The following TXLNG variants were observed in gnomAD, a reference collection of about 807,000 sequenced individuals.
The protein encoded by TXLNG is gamma-taxilin.
TXLNG carries 5 observed loss-of-function variants against 38.8 expected under a neutral mutation model. The observed-to-expected ratio is 0.13, with a 90% CI of 0.07 to 0.27. The LOEUF is 0.27. TXLNG is among the 10% of genes least tolerant of loss of function. TXLNG has a pLI of 1.00. For synonymous variants in TXLNG, 182 were observed against 158.2 expected, an observed-to-expected ratio of 1.15 and a Z score of -1.13; for missense variants, 393 against 398.2, an observed-to-expected ratio of 0.99 and a Z score of 0.11.
At position 16,842,748 on chromosome X, in the gene TXLNG, T is replaced by C. The variant is rs1163993854; in HGVS notation, c.*982T>C. 1 of 112,226 alleles carries C rather than the reference T, an allele frequency of 8.9e-6. No individual in the cohort carries two copies. The highest frequency in any genetic ancestry group is 3.2e-5 in the African/African-American group (1 of 30,878). 9.2% of individuals were successfully genotyped at this position (112,226 alleles called of 1,213,427 possible). ...CTCCAGGTTTTTCAAAAGGGAATTT[T>C]CATTATGGATCAGTACCAACCGAAA... is the stretch of plus-strand genomic sequence containing the variant. On this transcript the variant is annotated 3_prime_UTR_variant, in exon 10 of 10. Transcript: ENST00000380122.
Position 16,841,964 on chromosome X carries a change from T to C in TXLNG, c.*198T>C. The C allele has an allele frequency of 2.3e-6, 1 of 442,778 alleles. No individual in the cohort carries two copies. Among genetic ancestry groups the C allele is most frequent in the South Asian group, 4.2e-5 (1 of 23,750 alleles). 36.5% of individuals were successfully genotyped at this position (442,778 alleles called of 1,213,427 possible). ...TTAATCTATAAATTTTCCTCAGCTG[T>C]GTTGCACATCAGCCTCGTTCTCCCT... On this transcript the variant is annotated 3_prime_UTR_variant, in exon 10 of 10. Transcript: ENST00000380122.
chrX:16,793,289 A>G (rs1602354866), intron 1 of TXLNG, among the ~76,000 whole-genome samples: 2 of 111,246 alleles, frequency 1.8e-5, no homozygotes, highest in South Asian at 3.8e-4. Flanking sequence ...AAATACTTAC[A>G]TTTTATTACT....
intron 5 of TXLNG, among the ~76,000 whole-genome samples, chrX:16,830,696 T>A (rs899916399): frequency 9.3e-6 from 1 of 107,305 alleles, no homozygotes; most frequent in African/African-American, 3.4e-5. Context: ...CAAAAACTGC[T>A]ATTTTTTTTT....
At position 16,794,273 on chromosome X, in the gene TXLNG, A is replaced by C. The variant is rs147364341; in HGVS notation, c.102+7684A>C. 3.4e-3 allele frequency among the ~76,000 whole-genome samples: 378 copies of C among 112,438 alleles called. 1 individual carries two copies. Among genetic ancestry groups the C allele is most frequent in the African/African-American group, 9.8e-3 (303 of 31,006 alleles). ...AGCAAAACATGCTGGTAGATAAAATAGTAATAGTAATAGTTTTTGCTAAAC... is the reference window on the plus strand; with the variant it reads ...AGCAAAACATGCTGGTAGATAAAATCGTAATAGTAATAGTTTTTGCTAAAC... On this transcript the variant is annotated intron_variant, in intron 1 of 9. Transcript: ENST00000380122.
In TXLNG at chrX:16,841,890, A is replaced by G; in HGVS notation, c.*124A>G. The G allele has an allele frequency of 1.3e-6, 1 of 763,437 alleles. No homozygotes were observed. The highest frequency in any genetic ancestry group is 3.6e-5 in the Admixed American group (1 of 28,101). 62.9% of individuals were successfully genotyped at this position (763,437 alleles called of 1,213,427 possible). On this transcript the variant is annotated 3_prime_UTR_variant, in exon 10 of 10. Transcript: ENST00000380122. ...TCTACCATATCTGTATTTTCTTAGA[A>G]CTACTGGACTTATGTGGTACAGGAG...
chrX:16,839,102 T>G (rs2147501833), intron 8 of TXLNG, among the ~76,000 whole-genome samples: 1 of 112,294 alleles, frequency 8.9e-6, no homozygotes, highest in African/African-American at 3.2e-5. Flanking sequence ...GCTACAGGCA[T>G]GGATAAATGC....
intron 1 of TXLNG, among the ~76,000 whole-genome samples, chrX:16,818,084 C>A (rs1427542841): frequency 9.0e-6 from 1 of 111,220 alleles, no homozygotes; most frequent in Non-Finnish European, 1.9e-5. Context: ...GTGGAAGTCG[C>A]CCCTTGGTGT....
chrX:16,801,758 G>C (rs1928100759), intron 1 of TXLNG, among the ~76,000 whole-genome samples: 1 of 110,558 alleles, frequency 9.0e-6, no homozygotes. Context: ...TCATTGGTGA[G>C]TTCTCCTGAA....
rs776139446 is a variant in TXLNG, at chrX:16,821,288, G to C, written c.498+1033G>C. Among the ~76,000 whole-genome samples the C allele has an allele frequency of 6.6e-5, 7 of 106,856 alleles. No homozygotes were observed. The South Asian group carries it at 2.1e-3, about 32-fold the overall frequency. The allele number at this position is 106,856 out of a possible 115,157, so 92.8% of individuals were successfully genotyped here. On this transcript the variant is annotated intron_variant, in intron 3 of 9. Coordinates refer to ENST00000380122, the MANE Select transcript of TXLNG (RefSeq NM_018360.3). ...CCTGAGTAGTTGGGACTACAGGCGC[G>C]TGCCACCACGCCTGGCTAATTTTTT...
intron 7 of TXLNG, among the ~76,000 whole-genome samples, chrX:16,835,462 ACT>A (rs1405998405): frequency 8.9e-6 from 1 of 112,045 alleles, no homozygotes; most frequent in East Asian, 2.8e-4. Context: ...TGAATCTCTT[ACT>A]TATCAGCCCT....
At position 16,818,058 on chromosome X, in the gene TXLNG, T is replaced by C. The variant is rs760824946; in HGVS notation, c.103-516T>C. Among the ~76,000 whole-genome samples the C allele has an allele frequency of 1.2e-4, 13 of 110,912 alleles. No homozygotes were observed. The East Asian group carries it at 3.4e-3, about 29-fold the overall frequency. On this transcript the variant is annotated intron_variant, in intron 1 of 9. Transcript: ENST00000380122. The stretch of plus-strand genomic sequence containing the variant: ...AGTCGTGTCCTATGCCCACATTCAG[T>C]TGGTGGGAACTTCACGTGGAAGTCG...
At chrX:16,826,692 G>C (rs757385291) in intron 3 of TXLNG, among the ~76,000 whole-genome samples, 61 of 111,462 alleles carry the variant, frequency 5.5e-4, no homozygotes, top group Middle Eastern at 4.2e-3. Context: ...CAGCACTTTG[G>C]GAGGCCGAGG....
chrX:16,820,963 G>C (rs1928921386), intron 3 of TXLNG, among the ~76,000 whole-genome samples: 1 of 107,395 alleles, frequency 9.3e-6, no homozygotes, highest in Non-Finnish European at 1.9e-5. Context: ...TAGAGATGGG[G>C]TTTCACCGTG....
At chrX:16,802,691 A>G (rs771584573) in intron 1 of TXLNG, among the ~76,000 whole-genome samples, 60 of 111,808 alleles carry the variant, frequency 5.4e-4, no homozygotes, top group African/African-American at 1.9e-3. Context: ...AGTAAGTATG[A>G]TACTGTGATA....
chrX:16,812,260 C>T (rs1164198555), intron 1 of TXLNG, among the ~76,000 whole-genome samples: 11 of 109,774 alleles, frequency 1.0e-4, no homozygotes, highest in Admixed American at 8.8e-4. Context: ...CCGCCCGCCT[C>T]GGCCTCCCAA....
intron 1 of TXLNG, among the ~76,000 whole-genome samples, chrX:16,796,517 A>G (rs1331864473): frequency 8.9e-6 from 1 of 111,856 alleles, no homozygotes; most frequent in East Asian, 2.8e-4. Flanking sequence ...TCTATTAAAT[A>G]CTGTTACAGA....
intron 2 of TXLNG, among the ~76,000 whole-genome samples, chrX:16,819,481 G>T (rs1361160694): frequency 9.1e-6 from 1 of 109,948 alleles, no homozygotes; most frequent in Non-Finnish European, 1.9e-5. Context: ...AATAAAAATG[G>T]TACCTATCAC....
At chrX:16,835,029 C>G (rs1237586884) in intron 7 of TXLNG, among the ~76,000 whole-genome samples, 1 of 105,306 alleles carries the variant, frequency 9.5e-6, no homozygotes, top group Admixed American at 1.0e-4. Context: ...GCTGTGATCT[C>G]TCTCTGTGGT....
At chrX:16,840,978 C>T (rs1409153070) in intron 9 of TXLNG, among the ~76,000 whole-genome samples, 7 of 110,692 alleles carry the variant, frequency 6.3e-5, no homozygotes, top group Non-Finnish European at 1.1e-4. Flanking sequence ...GGGCAGATCA[C>T]GAGGTCAGGA....
Sources: allele counts gnomAD v4.1 joint callset (sites outside exome capture counted in the v4.1 genomes callset), GRCh38; gene constraint gnomAD v4.1.1; transcripts MANE v1.5; gene names NCBI Gene and HGNC (gene_info 2026-07-23, HGNC 2026-07-21).